Variants in IQCH observed in about 807,000 individuals in gnomAD.
The protein encoded by IQCH is IQ domain-containing protein H.
IQCH carries 98 observed loss-of-function variants against 117.0 expected under a neutral mutation model. The ratio of observed to expected loss-of-function variants is 0.84; its 90% confidence interval spans 0.71 to 0.99. The LOEUF (loss-of-function observed/expected upper bound fraction) is 0.99. Ranked by LOEUF, IQCH falls within the 50% of genes least tolerant of loss-of-function variation. IQCH has a pLI of 0.00. For missense variants in IQCH, 1,102 were observed against 1,243.8 expected (o/e 0.89, Z 1.72); for synonymous variants, 412 against 448.2 (o/e 0.92, Z 1.02).
chr15:67,482,316 C>T (rs868446673), intron 18 of IQCH, among the ~76,000 whole-genome samples: 3 of 152,206 alleles, frequency 2.0e-5, no homozygotes, highest in Non-Finnish European at 4.4e-5. Context: ...CATTGTTTCT[C>T]TTTCCAAATG....
intron 3 of IQCH, among the ~76,000 whole-genome samples, chr15:67,269,167 T>C (rs918537720): frequency 2.0e-5 from 3 of 152,114 alleles, no homozygotes; most frequent in African/African-American, 7.2e-5. Flanking sequence ...CAAAAATATC[T>C]CATCTTACAG....
rs1326610313 is a variant in IQCH, at chr15:67,359,347, A to G, written c.715-500A>G. Among the ~76,000 whole-genome samples, 1 of 152,234 alleles carries G rather than the reference A, an allele frequency of 6.6e-6. No homozygotes were observed. Among genetic ancestry groups the G allele is most frequent in the Non-Finnish European group, 1.5e-5 (1 of 68,040 alleles). ...CTCTCCCCAACTGCTGGAAACAGTAATATTTAATGACTTTTTCCTGTGGTC... is the reference window on the plus strand; with the variant it reads ...CTCTCCCCAACTGCTGGAAACAGTAGTATTTAATGACTTTTTCCTGTGGTC... On this transcript the variant is annotated intron_variant, in intron 7 of 20. Coordinates refer to ENST00000335894, the MANE Select transcript of IQCH (RefSeq NM_001031715.3). This position sits in a 1 kb window ranked among gnomAD's most constrained non-coding sequence, Gnocchi z 4.5.
intron 4 of IQCH, among the ~76,000 whole-genome samples, chr15:67,333,789 G>A (rs1968774581): frequency 6.6e-6 from 1 of 152,116 alleles, no homozygotes; most frequent in Non-Finnish European, 1.5e-5. Context: ...GGGTGCAGTG[G>A]TTCACACCTG....
intron 5 of IQCH, among the ~76,000 whole-genome samples, chr15:67,341,457 A>T (rs1021891452): frequency 1.3e-5 from 2 of 152,208 alleles, no homozygotes; most frequent in African/African-American, 4.8e-5. Flanking sequence ...CCATCCATAA[A>T]TGAACTAAAA....
intron 4 of IQCH, among the ~76,000 whole-genome samples, chr15:67,296,078 G>A (rs1166765701): frequency 6.6e-6 from 1 of 152,188 alleles, no homozygotes; most frequent in Non-Finnish European, 1.5e-5. Context: ...TGTGCTTATT[G>A]TCTGATTCCT....
Position 67,485,369 on chromosome 15 carries a change from T to C in IQCH, c.2800-4634T>C, listed in dbSNP as rs573686297. Among the ~76,000 whole-genome samples the C allele has an allele frequency of 2.6e-5, 4 of 152,204 alleles. No individual in the cohort carries two copies. The South Asian group carries it at 8.3e-4, about 32-fold the overall frequency. Reference sequence around the variant, plus strand: ...AAGCCAGTAGAAAAAAATTCCAACTTACACACAGAGGGAGAAAATGATGAA... The same window carrying C: ...AAGCCAGTAGAAAAAAATTCCAACTCACACACAGAGGGAGAAAATGATGAA... On this transcript the variant is annotated intron_variant, in intron 18 of 20. Coordinates refer to ENST00000335894, the MANE Select transcript of IQCH (RefSeq NM_001031715.3).
chr15:67,465,581 A>G lies in IQCH; in HGVS notation c.2676+284A>G, dbSNP rs192778918. On this transcript the variant is annotated intron_variant, in intron 17 of 20. Coordinates refer to ENST00000335894, the MANE Select transcript of IQCH (RefSeq NM_001031715.3). The surrounding 1 kb of genome is among the most constrained non-coding windows in gnomAD (Gnocchi z 5.9). Reference sequence around the variant, plus strand: ...CACCTACACCCATTGCCTCAACTACAAGCTGTTTCACACAAAACCCATATT... The same window carrying G: ...CACCTACACCCATTGCCTCAACTACGAGCTGTTTCACACAAAACCCATATT... Among the ~76,000 whole-genome samples the G allele has an allele frequency of 6.6e-6, 1 of 152,104 alleles. No individual in the cohort carries two copies. Among genetic ancestry groups the G allele is most frequent in the East Asian group, 1.9e-4 (1 of 5,172 alleles).
In IQCH at chr15:67,418,225, A is replaced by T. The variant is rs1056234145; in HGVS notation, c.2218+1174A>T. 7.6e-4 allele frequency among the ~76,000 whole-genome samples: 115 copies of T among 152,260 alleles called. 1 individual carries two copies. Among genetic ancestry groups the T allele is most frequent in the African/African-American group, 2.7e-3 (112 of 41,556 alleles). On this transcript the variant is annotated intron_variant, in intron 15 of 20. Transcript: ENST00000335894. ...ATTTATCAGGGCTTATTGTAGCTCA[A>T]TGTATGAGAGTGTATGAAAGGACAG...
rs973872766 is a variant in IQCH, at chr15:67,434,945, AT to A, written c.2505+13377del. 2.9e-4 allele frequency among the ~76,000 whole-genome samples: 41 copies of A among 140,600 alleles called. No homozygotes were observed. The East Asian group carries it at 7.7e-3, about 27-fold the overall frequency. 92.2% of individuals were successfully genotyped at this position (140,600 alleles called of 152,430 possible). A position where few individuals can be genotyped will look rare whatever the true frequency, so the allele number is the denominator to read the frequency against. On this transcript the variant is annotated intron_variant, in intron 16 of 20. Coordinates refer to ENST00000335894, the MANE Select transcript of IQCH (RefSeq NM_001031715.3). ...CGCGTCACCACGCCTGTATTTTTGT[AT>A]TTTTTTTTAATTTTTTTGTATTTTT...
rs756524127 is a variant in IQCH at position 67,416,517 on chromosome 15, CAA to C, written c.2098-404_2098-403del. Among the ~76,000 whole-genome samples, 1 of 126,610 alleles carries C rather than the reference CAA, an allele frequency of 7.9e-6. No homozygotes were observed. The allele number at this position is 126,610 out of a possible 152,430, so 83.1% of individuals were successfully genotyped here. ...GGGCAACAAGAGCAAAACTGCGTCT[CAA>C]AAAAAAAAAGAAAAAACAAAAAACA... On this transcript the variant is annotated intron_variant, in intron 14 of 20. Transcript: ENST00000335894. This position sits in a 1 kb window ranked among gnomAD's most constrained non-coding sequence, Gnocchi z 5.1.
Position 67,435,683 on chromosome 15 carries a change from G to C in IQCH, c.2505+14106G>C, listed in dbSNP as rs539630520. ...AGGTCAGGAGTTCGGGATCAGCCTG[G>C]CCAACATGGTGAAACCCCATCTCTA... On this transcript the variant is annotated intron_variant, in intron 16 of 20. Coordinates refer to ENST00000335894, the MANE Select transcript of IQCH (RefSeq NM_001031715.3). 1.4e-4 allele frequency among the ~76,000 whole-genome samples: 22 copies of C among 152,020 alleles called. No homozygotes were observed. In the South Asian group the frequency reaches 4.2e-3, roughly 29 times the overall value.
In IQCH at chr15:67,359,907, T is replaced by C; in HGVS notation, c.753+22T>C. On this transcript the variant is annotated intron_variant, in intron 8 of 20. Coordinates refer to ENST00000335894, the MANE Select transcript of IQCH (RefSeq NM_001031715.3). The surrounding 1 kb of genome is among the most constrained non-coding windows in gnomAD (Gnocchi z 4.5). ...GAAGGTCTGTAATTTGTGTGACTAGTTGAAATTTAGGGTCTGTCACCTGAT... is the reference window on the plus strand; with the variant it reads ...GAAGGTCTGTAATTTGTGTGACTAGCTGAAATTTAGGGTCTGTCACCTGAT... 1 of 1,604,248 alleles carries C rather than the reference T, an allele frequency of 6.2e-7. No homozygotes were observed. The highest frequency in any genetic ancestry group is 8.5e-7 in the Non-Finnish European group (1 of 1,171,104).
chr15:67,294,945 A>G (rs1326875074), intron 4 of IQCH, among the ~76,000 whole-genome samples: 2 of 152,218 alleles, frequency 1.3e-5, no homozygotes, highest in African/African-American at 4.8e-5. Flanking sequence ...GTAGCTAAAT[A>G]TAGCTGCAGT....
chr15:67,449,511 G>A (rs1002510127), intron 16 of IQCH, among the ~76,000 whole-genome samples: 3 of 152,082 alleles, frequency 2.0e-5, no homozygotes, highest in African/African-American at 7.2e-5. Flanking sequence ...TTTTTGTCAG[G>A]TTTGTCATAG....
intron 1 of IQCH, among the ~76,000 whole-genome samples, chr15:67,259,209 A>G (rs1965356116): frequency 6.6e-6 from 1 of 152,160 alleles, no homozygotes. Flanking sequence ...TGAGATAGCT[A>G]TTATTATTCC....
rs1031290454 is a variant in IQCH at position 67,431,277 on chromosome 15, A to G, written c.2505+9700A>G. Among the ~76,000 whole-genome samples the G allele has an allele frequency of 1.3e-5, 2 of 152,248 alleles. No individual in the cohort carries two copies. The highest frequency in any genetic ancestry group is 2.1e-4 in the South Asian group (1 of 4,832). ...AAATAGATTGGCAAAGATGCTCTAT[A>G]TGAAAATTCCCAAATTAAAAAATTC... On this transcript the variant is annotated intron_variant, in intron 16 of 20. Coordinates refer to ENST00000335894, the MANE Select transcript of IQCH (RefSeq NM_001031715.3). The surrounding 1 kb of genome is among the most constrained non-coding windows in gnomAD (Gnocchi z 4.8).
Position 67,404,106 on chromosome 15 carries a change from T to C in IQCH, c.2097+3801T>C, listed in dbSNP as rs1375078123. The C allele has an allele frequency of 3.9e-5, 6 of 152,230 alleles. No homozygotes were observed. The allele number at this position is 152,230 out of a possible 1,614,324, so 9.4% of individuals were successfully genotyped here. A position where few individuals can be genotyped will look rare whatever the true frequency, so the allele number is the denominator to read the frequency against. On this transcript the variant is annotated intron_variant, in intron 14 of 20. Transcript: ENST00000335894. This position sits in a 1 kb window ranked among gnomAD's most constrained non-coding sequence, Gnocchi z 4.6. ...AGCAGTTTTACCTTTATTTGTACTTTGATTTACTTTGTCTGACATTTGATA... is the reference window on the plus strand; with the variant it reads ...AGCAGTTTTACCTTTATTTGTACTTCGATTTACTTTGTCTGACATTTGATA...
chr15:67,364,030 G>A lies in IQCH; in HGVS notation c.753+4145G>A, dbSNP rs1970244875. ...TGCAGTGAACATAACACATGCATGT[G>A]TCTTTATGGTAGAATGATTTATAGT... On this transcript the variant is annotated intron_variant, in intron 8 of 20. Transcript: ENST00000335894. This position sits in a 1 kb window ranked among gnomAD's most constrained non-coding sequence, Gnocchi z 4.1. Among the ~76,000 whole-genome samples the A allele has an allele frequency of 6.6e-6, 1 of 152,208 alleles. No individual in the cohort carries two copies. The highest frequency in any genetic ancestry group is 1.5e-5 in the Non-Finnish European group (1 of 68,046).
chr15:67,421,252 G>C, intron 15 of IQCH, 39 bp from the exon 16 acceptor site: 1 of 1,563,400 alleles, frequency 6.4e-7, no homozygotes, highest in Non-Finnish European at 8.7e-7. Context: ...CAAACAAAAT[G>C]CATGTGTCCT....
Sources: gnomAD v4.1 joint callset for allele counts (sites outside exome capture counted in the v4.1 genomes callset) on GRCh38, gnomAD v4.1.1 for gene constraint, Gnocchi (gnomAD v3.1) non-coding constraint, MANE v1.5 for transcripts, NCBI Gene and HGNC (gene_info 2026-07-23, HGNC 2026-07-21) for gene names.